MRPS28: variants seen among roughly 807,000 people sequenced by gnomAD.
MRPS28 encodes mitochondrial ribosomal protein S28.
MRPS28 carries 7 observed loss-of-function variants against 10.8 expected under a neutral mutation model. The observed-to-expected ratio is 0.65, with a 90% confidence interval of 0.37 to 1.22. The LOEUF (loss-of-function observed/expected upper bound fraction) is 1.22, where lower values mean the gene tolerates loss of function less well. Ranked by LOEUF, MRPS28 falls within the 50% of genes most tolerant of loss-of-function variation. MRPS28 has a pLI of 0.02. For synonymous variants in MRPS28, 121 were observed against 93.3 expected (o/e 1.30, Z -1.71); for missense variants, 265 against 232.9 (o/e 1.14, Z -0.90).
chr8:80,012,721 G>A (rs985513463), intron 1 of MRPS28, among the ~76,000 whole-genome samples: 4 of 152,202 alleles, frequency 2.6e-5, no homozygotes, highest in Non-Finnish European at 4.4e-5. Context: ...TGACAGGACC[G>A]TCAAGGTAGA....
intron 2 of MRPS28, among the ~76,000 whole-genome samples, chr8:79,955,191 A>G (rs1807175089): frequency 6.6e-6 from 1 of 152,160 alleles, no homozygotes; most frequent in African/African-American, 2.4e-5. Flanking sequence ...TTTGCTCACA[A>G]GCCATTGCCC....
chr8:79,949,809 T>G (rs921062501), intron 2 of MRPS28, among the ~76,000 whole-genome samples: 3 of 152,170 alleles, frequency 2.0e-5, no homozygotes, highest in African/African-American at 7.2e-5. Context: ...AATCACCAAC[T>G]AAAAATAAAA....
At chr8:79,932,508 G>C (rs994678445) in intron 2 of MRPS28, among the ~76,000 whole-genome samples, 2 of 152,170 alleles carry the variant, frequency 1.3e-5, no homozygotes, top group Non-Finnish European at 2.9e-5. Context: ...GGACTCGCAG[G>C]TCAGACAGGA....
intron 2 of MRPS28, among the ~76,000 whole-genome samples, chr8:79,928,960 C>A (rs761505790): frequency 6.6e-6 from 1 of 152,046 alleles, no homozygotes; most frequent in African/African-American, 2.4e-5. Flanking sequence ...ACAGGAGAAT[C>A]GCTTGAACCC....
chr8:80,015,394 G>C lies in MRPS28; in HGVS notation c.214-12214C>G, dbSNP rs1213273039. Among the ~76,000 whole-genome samples, 3 of 152,186 alleles carry C rather than the reference G, an allele frequency of 2.0e-5. No homozygotes were observed. The East Asian group carries it at 5.8e-4, about 29-fold the overall frequency. On this transcript the variant is annotated intron_variant, in intron 1 of 2. Coordinates refer to ENST00000276585, the MANE Select transcript of MRPS28 (RefSeq NM_014018.3). ...AGCCTAAACACTTGTCAGAGCCTAA[G>C]TGTCCTGGAGGAAGGGAAATAACCA...
chr8:79,937,249 G>T (rs564291308), intron 2 of MRPS28, among the ~76,000 whole-genome samples: 1 of 152,162 alleles, frequency 6.6e-6, no homozygotes, highest in Admixed American at 6.5e-5. Flanking sequence ...AGGAAGTAAA[G>T]CATAACTCAT....
At chr8:79,928,114 A>C (rs1397810962) in intron 2 of MRPS28, among the ~76,000 whole-genome samples, 1 of 152,114 alleles carries the variant, frequency 6.6e-6, no homozygotes, top group Non-Finnish European at 1.5e-5. Flanking sequence ...GCTTGAGTCC[A>C]AGAGTTTGAA....
At chr8:79,931,612 T>C (rs746590987) in intron 2 of MRPS28, among the ~76,000 whole-genome samples, 6 of 152,104 alleles carry the variant, frequency 3.9e-5, no homozygotes, top group Non-Finnish European at 8.8e-5. Flanking sequence ...CTGGGAAGAT[T>C]GTAGGAAATA....
At chr8:79,958,367 T>G (rs555063856) in intron 2 of MRPS28, 1 of 698,798 alleles carries the variant, frequency 1.4e-6, no homozygotes, top group African/African-American at 1.8e-5. Flanking sequence ...AAAGTCAGAG[T>G]TGGAAGAAAA....
chr8:79,941,555 G>T (rs1231895183), intron 2 of MRPS28, among the ~76,000 whole-genome samples: 1 of 152,140 alleles, frequency 6.6e-6, no homozygotes, highest in Non-Finnish European at 1.5e-5. Flanking sequence ...AGGTCTCTGA[G>T]AAGTCACATA....
At chr8:79,950,767 C>T (rs1371899019) in intron 2 of MRPS28, among the ~76,000 whole-genome samples, 3 of 152,204 alleles carry the variant, frequency 2.0e-5, no homozygotes, top group Non-Finnish European at 4.4e-5. Context: ...CAAGTCTTAA[C>T]CAATATCAAA....
rs189600204 is a variant in MRPS28 at position 80,006,023 on chromosome 8, C to T, written c.214-2843G>A. ...ACCTACAAAGAGACTTAGACTCCCA[C>T]ATAATAATAATGGGAGACTTTAACA... On this transcript the variant is annotated intron_variant, in intron 1 of 2. Coordinates refer to ENST00000276585, the MANE Select transcript of MRPS28 (RefSeq NM_014018.3). Among the ~76,000 whole-genome samples, 461 of 152,270 alleles carry T rather than the reference C, an allele frequency of 3.0e-3. 1 individual carries two copies. The highest frequency in any genetic ancestry group is 0.01 in the African/African-American group (430 of 41,558).
intron 2 of MRPS28, among the ~76,000 whole-genome samples, chr8:79,968,784 C>A (rs1210106902): frequency 6.6e-6 from 1 of 151,782 alleles, no homozygotes; most frequent in Non-Finnish European, 1.5e-5. Flanking sequence ...CTGCCTCTAG[C>A]ATTTATTCAT....
At chr8:79,954,634 C>T (rs982189678) in intron 2 of MRPS28, among the ~76,000 whole-genome samples, 1 of 152,144 alleles carries the variant, frequency 6.6e-6, no homozygotes, top group Non-Finnish European at 1.5e-5. Flanking sequence ...GTTCAAATAC[C>T]TCTTCATTTT....
chr8:79,967,084 G>A (rs1807522452), intron 2 of MRPS28, among the ~76,000 whole-genome samples: 1 of 152,106 alleles, frequency 6.6e-6, no homozygotes, highest in African/African-American at 2.4e-5. Context: ...GCCTAGTATG[G>A]CTAACAACAT....
chr8:79,952,028 A>G (rs1807091703), intron 2 of MRPS28, among the ~76,000 whole-genome samples: 1 of 152,236 alleles, frequency 6.6e-6, no homozygotes, highest in Non-Finnish European at 1.5e-5. Flanking sequence ...TTCATTACAC[A>G]TGACGGCGCA....
chr8:80,024,824 A>C (rs1809457427), intron 1 of MRPS28, among the ~76,000 whole-genome samples: 1 of 152,212 alleles, frequency 6.6e-6, no homozygotes, highest in African/African-American at 2.4e-5. Flanking sequence ...ACAGCTAGAA[A>C]ACAGGATAAA....
intron 2 of MRPS28, among the ~76,000 whole-genome samples, chr8:79,934,369 T>A (rs10098578): frequency 0.03 from 4,506 of 152,270 alleles, 224 homozygotes; most frequent in African/African-American, 0.1. Flanking sequence ...CTAATTTTTA[T>A]AGTCTCCTTT....
chr8:79,954,749 T>G (rs935391018), intron 2 of MRPS28, among the ~76,000 whole-genome samples: 3 of 152,196 alleles, frequency 2.0e-5, no homozygotes, highest in Non-Finnish European at 4.4e-5. Flanking sequence ...GTTCACTTCA[T>G]TAAACCAAAG....
Sources: allele counts gnomAD v4.1 joint callset (sites outside exome capture counted in the v4.1 genomes callset), GRCh38; gene constraint gnomAD v4.1.1; transcripts MANE v1.5; gene names NCBI Gene and HGNC (gene_info 2026-07-23, HGNC 2026-07-21).